Variants in DGKH observed in about 807,000 individuals in gnomAD.
DGKH encodes diacylglycerol kinase eta.
In DGKH, 90 loss-of-function variants were observed where a neutral mutation model predicts 159.3. The ratio of observed to expected loss-of-function variants is 0.57; its 90% CI spans 0.48 to 0.67. The LOEUF is 0.67. Ranked by LOEUF, DGKH falls within the 30% of genes least tolerant of loss-of-function variation. The pLI, the probability that DGKH is intolerant of heterozygous loss-of-function variation, is 0.00. For synonymous variants in DGKH, 536 were observed against 553.8 expected (o/e 0.97, Z 0.45); for missense variants, 1,181 against 1,506.1 (o/e 0.78, Z 3.57).
chr13:42,110,040 A>G (rs1200352047), intron 1 of DGKH, among the ~76,000 whole-genome samples: 2 of 152,166 alleles, frequency 1.3e-5, no homozygotes, highest in Admixed American at 1.3e-4. Flanking sequence ...TTTCCCATGT[A>G]GTTGGGACTC....
chr13:42,046,628 A>G (rs915074382), upstream of DGKH, among the ~76,000 whole-genome samples: 3 of 152,248 alleles, frequency 2.0e-5, no homozygotes, highest in Non-Finnish European at 4.4e-5. Context: ...TGAGATGCGT[A>G]ATCTGACCTG....
At chr13:42,142,328 G>T (rs1226964375) in intron 3 of DGKH, among the ~76,000 whole-genome samples, 1 of 151,778 alleles carries the variant, frequency 6.6e-6, no homozygotes, top group African/African-American at 2.4e-5. Flanking sequence ...GTCAGGTAGC[G>T]TGATGCCTCC....
At chr13:42,070,013 A>G in intron 1 of DGKH, 1 of 846,014 alleles carries the variant, frequency 1.2e-6, no homozygotes, top group East Asian at 2.4e-5. Context: ...GAAAACTGAC[A>G]GTCATAGTAC....
intron 3 of DGKH, among the ~76,000 whole-genome samples, chr13:42,139,344 C>T (rs1336146381): frequency 1.3e-5 from 2 of 152,214 alleles, no homozygotes; most frequent in East Asian, 1.9e-4. Flanking sequence ...GAACCTAGGA[C>T]TTGCTTGCAA....
intron 1 of DGKH, among the ~76,000 whole-genome samples, chr13:42,126,923 A>G (rs188889660): frequency 1.3e-5 from 2 of 152,354 alleles, no homozygotes; most frequent in Admixed American, 6.5e-5. Flanking sequence ...TAATGAGCAC[A>G]TACTATACAC....
intron 5 of DGKH, among the ~76,000 whole-genome samples, chr13:42,157,194 G>C (rs982811870): frequency 7.9e-5 from 12 of 152,180 alleles, no homozygotes; most frequent in African/African-American, 2.6e-4. Flanking sequence ...TGATTGGCCT[G>C]TATTATGACT....
At chr13:42,195,798 A>G (rs542741367) in intron 17 of DGKH, 2 of 152,360 alleles carry the variant, frequency 1.3e-5, no homozygotes, top group African/African-American at 4.8e-5. Context: ...CACACGCCAC[A>G]AAAGACAAAT....
Position 42,178,249 on chromosome 13 carries a change from A to G in DGKH, c.1538+29A>G, listed in dbSNP as rs1219327352. On this transcript the variant is annotated intron_variant, in intron 13 of 29. Transcript: ENST00000337343. ...AGTTGTGGGTTTTAAGTCTTTAAAT[A>G]TGGTGAAAATGAAATGATAGCTGGC... 5 of 1,509,906 alleles carry G rather than the reference A, an allele frequency of 3.3e-6. No homozygotes were observed. In the Admixed American group the frequency reaches 5.5e-5, roughly 17 times the overall value. The allele number at this position is 1,509,906 out of a possible 1,614,324, so 93.5% of individuals were successfully genotyped here.
chr13:42,226,732 C>T (rs1046756024), intron 29 of DGKH, among the ~76,000 whole-genome samples: 1 of 151,832 alleles, frequency 6.6e-6, no homozygotes, highest in Non-Finnish European at 1.5e-5. Flanking sequence ...TGGCAGGTGC[C>T]TGTAATCCCA....
chr13:42,090,644 A>T lies in DGKH; in HGVS notation c.193-36819A>T, dbSNP rs1366800679. Among the ~76,000 whole-genome samples the T allele has an allele frequency of 2.0e-5, 3 of 152,216 alleles. No individual in the cohort carries two copies. In the East Asian group the frequency reaches 5.8e-4, roughly 29 times the overall value. ...ACGATGCTAAGATCTTTCACTAGGG[A>T]AAGGACAATTTTTTAACACATTGTT... On this transcript the variant is annotated intron_variant, in intron 1 of 29. Transcript: ENST00000337343.
intron 21 of DGKH, 49 bp downstream of exon 21, chr13:42,206,195 C>G: frequency 2.5e-6 from 3 of 1,211,300 alleles, no homozygotes; most frequent in Non-Finnish European, 3.3e-6. Context: ...AATTATATCA[C>G]TGGAATAATT....
In DGKH at chr13:42,128,960, T is replaced by C. The variant is rs529673984; in HGVS notation, c.304-592T>C. Among the ~76,000 whole-genome samples, 37 of 152,322 alleles carry C rather than the reference T, an allele frequency of 2.4e-4. No homozygotes were observed. In the South Asian group the frequency reaches 5.2e-3, roughly 21 times the overall value. On this transcript the variant is annotated intron_variant, in intron 2 of 29. Transcript: ENST00000337343. ...ACGCTGAATGAGTATGAACAATGAG[T>C]GACTAAAAGTGGGAAGCCTACATTT...
chr13:42,211,999 A>T (rs2138208877), intron 24 of DGKH, among the ~76,000 whole-genome samples: 1 of 152,336 alleles, frequency 6.6e-6, no homozygotes, highest in African/African-American at 2.4e-5. Context: ...GGGTGGGGAC[A>T]CAGCCAAACG....
In DGKH at chr13:42,042,387, T is replaced by A. The variant is rs931195799; in HGVS notation, c.-13+2261T>A. On this transcript the variant is annotated intron_variant, in intron 1 of 29. Coordinates refer to the DGKH transcript ENST00000379274. ...TTAACATTTAGAAAATTAGATAATT[T>A]TTTTTTCTTCTCAAAAGTGACAAGT... 1.9e-4 allele frequency among the ~76,000 whole-genome samples: 29 copies of A among 152,310 alleles called. 1 individual carries two copies. Among genetic ancestry groups the A allele is most frequent in the Admixed American group, 1.6e-3 (25 of 15,292 alleles).
intron 1 of DGKH, among the ~76,000 whole-genome samples, chr13:42,042,286 C>T (rs914026599): frequency 3.3e-5 from 5 of 152,252 alleles, no homozygotes; most frequent in African/African-American, 1.2e-4. Flanking sequence ...AACCTGCATA[C>T]TTTAAGCCAA....
rs1334666210 is a variant in DGKH at position 42,194,935 on chromosome 13, C to T, written c.2086C>T (p.Gln696Ter). 1 of 1,614,028 alleles carries T rather than the reference C, an allele frequency of 6.2e-7. No individual in the cohort carries two copies. The highest frequency in any genetic ancestry group is 8.5e-7 in the Non-Finnish European group (1 of 1,179,948). ...PDARASYGHS[Q>*]TDSVPGPAVA... ...TGCCCGGGCAAGTTATGGCCATTCC[C>T]AAACTGATTCTGTCCCTGGTCCAGC... is the stretch of plus-strand genomic sequence containing the variant. The change falls in exon 17 of 30, where the codon CAA becomes TAA. Residue 696 changes from glutamine (Q) to a stop codon, truncating the protein, a stop_gained. Coordinates refer to ENST00000337343, the MANE Select transcript of DGKH (RefSeq NM_178009.5). LOFTEE classifies it high-confidence loss of function.
intron 1 of DGKH, among the ~76,000 whole-genome samples, chr13:42,063,659 G>A (rs1007937867): frequency 6.6e-6 from 1 of 152,054 alleles, no homozygotes; most frequent in Non-Finnish European, 1.5e-5. Flanking sequence ...CTGTGGGCTG[G>A]CCGGATGTGG....
intron 1 of DGKH, among the ~76,000 whole-genome samples, chr13:42,072,744 T>C (rs1312650637): frequency 6.6e-6 from 1 of 152,198 alleles, no homozygotes; most frequent in Non-Finnish European, 1.5e-5. Flanking sequence ...CCAATGAATT[T>C]TTAAACAAAA....
intron 7 of DGKH, among the ~76,000 whole-genome samples, chr13:42,161,254 C>G (rs1007537756): frequency 6.6e-6 from 1 of 152,188 alleles, no homozygotes; most frequent in African/African-American, 2.4e-5. Flanking sequence ...GAGAGGACAA[C>G]CACTGATAAC....
Sources: allele counts gnomAD v4.1 joint callset (sites outside exome capture counted in the v4.1 genomes callset), GRCh38; gene constraint gnomAD v4.1.1; transcripts MANE v1.5; gene names NCBI Gene and HGNC (gene_info 2026-07-23, HGNC 2026-07-21).